Variants in MED12L observed in about 807,000 individuals in gnomAD.
MED12L encodes the protein mediator of RNA polymerase II transcription subunit 12-like protein.
MED12L carries 60 observed loss-of-function variants against 281.3 expected under a neutral mutation model. That is an observed-to-expected ratio of 0.21 (90% confidence interval 0.17 to 0.26). The LOEUF (loss-of-function observed/expected upper bound fraction) is 0.26, where lower values mean the gene tolerates loss of function less well. MED12L is among the 10% of genes least tolerant of loss of function. The probability of loss-of-function intolerance (pLI) is 1.00; values close to 1 mark genes in which losing one functional copy is unlikely to be tolerated. For synonymous variants in MED12L, 974 were observed against 987.2 expected (o/e 0.99, Z 0.25); for missense variants, 2,146 against 2,680.9 (o/e 0.80, Z 4.41).
chr3:151,259,399 C>G (rs1315838314), intron 16 of MED12L, among the ~76,000 whole-genome samples: 1 of 152,172 alleles, frequency 6.6e-6, no homozygotes. Context: ...AATGCTTAAC[C>G]AGTACTGATT....
Position 151,368,586 on chromosome 3 carries a change from ATTTATTTTATTTTATTTTAT to A in MED12L, c.3550+363_3550+382del, listed in dbSNP as rs71637017. Among the ~76,000 whole-genome samples the A allele has an allele frequency of 4.8e-3, 583 of 120,676 alleles. 2 individuals carry two copies. Among genetic ancestry groups the A allele is most frequent in the Middle Eastern group, 0.015 (3 of 204 alleles). The allele number at this position is 120,676 out of a possible 152,430, so 79.2% of individuals were successfully genotyped here. A position where few individuals can be genotyped will look rare whatever the true frequency, so the allele number is the denominator to read the frequency against. The stretch of plus-strand genomic sequence containing the variant: ...ATCACAGCAGCTTAGGGCAATGGTG[ATTTATTTTATTTTATTTTAT>A]TTTATTTTATTTTATTTTATTTTAT... On this transcript the variant is annotated intron_variant, in intron 25 of 44. Coordinates refer to ENST00000687756, the MANE Select transcript of MED12L (RefSeq NM_001393769.1).
intron 1 of MED12L, 25 bp downstream of exon 1, chr3:151,085,961 G>A (rs1477548421): frequency 6.6e-6 from 1 of 152,176 alleles, no homozygotes; most frequent in Admixed American, 6.5e-5. Flanking sequence ...GTTGGGGGCG[G>A]AAGGGAAGAG....
chr3:151,153,438 T>A (rs1718829616), intron 5 of MED12L, among the ~76,000 whole-genome samples: 1 of 152,220 alleles, frequency 6.6e-6, no homozygotes, highest in Non-Finnish European at 1.5e-5. Context: ...CTGCATTGCC[T>A]GAATTTAGAA....
intron 2 of MED12L, among the ~76,000 whole-genome samples, chr3:151,089,920 C>T (rs971900594): frequency 3.9e-5 from 6 of 152,216 alleles, no homozygotes; most frequent in Admixed American, 2.0e-4. Context: ...TACATCCATG[C>T]GCACATCCTG....
chr3:151,347,782 G>C (rs907038689), intron 16 of MED12L, among the ~76,000 whole-genome samples: 9 of 152,082 alleles, frequency 5.9e-5, no homozygotes, highest in African/African-American at 1.9e-4. Flanking sequence ...CTTTATCCCA[G>C]GTTTTCTCAC....
intron 16 of MED12L, among the ~76,000 whole-genome samples, chr3:151,307,503 T>A (rs1746821874): frequency 6.6e-6 from 1 of 151,704 alleles, no homozygotes; most frequent in Non-Finnish European, 1.5e-5. Flanking sequence ...TAGAGTTAAA[T>A]TTTTTTTAGG....
chr3:151,162,029 G>A (rs533893493), intron 8 of MED12L, among the ~76,000 whole-genome samples: 10 of 152,218 alleles, frequency 6.6e-5, no homozygotes, highest in Non-Finnish European at 1.3e-4. Flanking sequence ...TTTGAGAAAC[G>A]TGTTTATGAA....
At chr3:151,287,245 A>G (rs1230751923) in intron 16 of MED12L, among the ~76,000 whole-genome samples, 3 of 152,138 alleles carry the variant, frequency 2.0e-5, no homozygotes, top group African/African-American at 7.2e-5. Context: ...CAGTTGGTTT[A>G]TTTTTCCTCT....
At chr3:151,247,894 A>G (rs1735989992) in intron 16 of MED12L, among the ~76,000 whole-genome samples, 2 of 150,316 alleles carry the variant, frequency 1.3e-5, no homozygotes, top group African/African-American at 2.4e-5. Flanking sequence ...TGTTCTTATA[A>G]TGTATTCAGA....
intron 16 of MED12L, among the ~76,000 whole-genome samples, chr3:151,293,677 A>ACACACACACAC (rs200041934): frequency 8.2e-6 from 1 of 121,258 alleles, no homozygotes; most frequent in African/African-American, 3.8e-5. Flanking sequence ...ACACACACAC[A>ACACACACACAC]CCCTCTACCT....
At chr3:151,269,537 A>C (rs1038280119) in intron 16 of MED12L, 16 of 303,050 alleles carry the variant, frequency 5.3e-5, no homozygotes, top group Non-Finnish European at 9.0e-5. Flanking sequence ...AAGAGGTCAA[A>C]ATTGATTGCC....
At chr3:151,322,227 C>T (rs1470710164) in intron 16 of MED12L, among the ~76,000 whole-genome samples, 1 of 152,154 alleles carries the variant, frequency 6.6e-6, no homozygotes, top group Non-Finnish European at 1.5e-5. Flanking sequence ...GCTCTGTCAT[C>T]CAGGCTGGAG....
At chr3:151,229,726 A>G (rs528023279) in intron 16 of MED12L, among the ~76,000 whole-genome samples, 30 of 152,140 alleles carry the variant, frequency 2.0e-4, no homozygotes, top group African/African-American at 7.0e-4. Flanking sequence ...CGGCCTCCCA[A>G]AGTGCTGGGA....
chr3:151,264,039 G>C (rs2149513127), intron 16 of MED12L, among the ~76,000 whole-genome samples: 1 of 152,294 alleles, frequency 6.6e-6, no homozygotes, highest in Non-Finnish European at 1.5e-5. Context: ...TTCCATTTCA[G>C]TTTTTAAAGT....
At chr3:151,253,215 G>A (rs532001870) in intron 16 of MED12L, among the ~76,000 whole-genome samples, 5 of 152,196 alleles carry the variant, frequency 3.3e-5, no homozygotes, top group South Asian at 2.1e-4. Context: ...AGCCTGTTCC[G>A]AGAAAAGCCA....
chr3:151,166,241 AT>A (rs1720697922), intron 11 of MED12L, among the ~76,000 whole-genome samples: 1 of 152,158 alleles, frequency 6.6e-6, no homozygotes, highest in South Asian at 2.1e-4. Flanking sequence ...TCACTTTCCA[AT>A]TTTAGTTTTA....
At chr3:151,222,430 A>G (rs1482247184) in intron 16 of MED12L, among the ~76,000 whole-genome samples, 1 of 152,144 alleles carries the variant, frequency 6.6e-6, no homozygotes, top group Non-Finnish European at 1.5e-5. Context: ...GGCTCCCTTA[A>G]TTTCCATGTG....
At chr3:151,378,234 TC>T in intron 31 of MED12L, 61 bp downstream of exon 31, 1 of 1,476,258 alleles carries the variant, frequency 6.8e-7, no homozygotes, top group East Asian at 2.4e-5. Flanking sequence ...AAGTCTCACT[TC>T]CTGTAAACCT....
chr3:151,243,285 G>A (rs1486196356), intron 16 of MED12L, among the ~76,000 whole-genome samples: 2 of 151,456 alleles, frequency 1.3e-5, no homozygotes, highest in South Asian at 2.1e-4. Flanking sequence ...GATACTCCTC[G>A]AGAAGAGCAA....
Sources: allele counts gnomAD v4.1 joint callset (sites outside exome capture counted in the v4.1 genomes callset), GRCh38; gene constraint gnomAD v4.1.1; transcripts MANE v1.5; gene names NCBI Gene and HGNC (gene_info 2026-07-23, HGNC 2026-07-21).